The following SLCO6A1 variants were observed in gnomAD, a reference collection of about 807,000 sequenced individuals.
SLCO6A1 encodes solute carrier organic anion transporter family member 6A1, also known as cancer/testis antigen 48.
In SLCO6A1, 65 loss-of-function variants were observed where a neutral mutation model predicts 72.7. That is an observed-to-expected ratio of 0.89 (90% CI 0.73 to 1.10). The LOEUF is 1.10. SLCO6A1 is among the 50% of genes least tolerant of loss of function. The pLI, the probability that SLCO6A1 is intolerant of heterozygous loss-of-function variation, is 0.00. For synonymous variants in SLCO6A1, 314 were observed against 298.2 expected, an observed-to-expected ratio of 1.05 and a Z score of -0.55; for missense variants, 874 against 872.6, an observed-to-expected ratio of 1.00 and a Z score of -0.02.
intron 7 of SLCO6A1, among the ~76,000 whole-genome samples, chr5:102,430,646 A>G (rs760480097): frequency 3.2e-4 from 48 of 152,162 alleles, no homozygotes; most frequent in Non-Finnish European, 5.9e-4. Context: ...CAGGGATAAA[A>G]CCTACTTGAT....
At chr5:102,472,113 C>A (rs9327859) in intron 4 of SLCO6A1, among the ~76,000 whole-genome samples, 82,679 of 151,950 alleles carry the variant, frequency 0.54, 23,893 homozygotes, top group Non-Finnish European at 0.63. Context: ...CAGGGGAATA[C>A]ATTGAGGCTG....
intron 12 of SLCO6A1, among the ~76,000 whole-genome samples, chr5:102,386,881 T>G (rs1357207373): frequency 3.6e-4 from 55 of 152,088 alleles, no homozygotes; most frequent in Non-Finnish European, 8.1e-4. Flanking sequence ...TTGCTTAGAG[T>G]TCATTCCTTC....
chr5:102,449,487 T>C (rs1383552471), intron 6 of SLCO6A1, among the ~76,000 whole-genome samples: 1 of 151,802 alleles, frequency 6.6e-6, no homozygotes, highest in Non-Finnish European at 1.5e-5. Flanking sequence ...CCCAGGTTCA[T>C]GCCATTCTCC....
At chr5:102,449,195 A>G (rs776137688) in intron 6 of SLCO6A1, among the ~76,000 whole-genome samples, 1 of 152,016 alleles carries the variant, frequency 6.6e-6, no homozygotes, top group African/African-American at 2.4e-5. Context: ...TAGACCCCCA[A>G]TCTCTTCTGG....
In SLCO6A1 at chr5:102,498,987, G is replaced by C; in HGVS notation, c.-143C>G. 1 of 763,636 alleles carries C rather than the reference G, an allele frequency of 1.3e-6. No homozygotes were observed. Among genetic ancestry groups the C allele is most frequent in the Non-Finnish European group, 2.1e-6 (1 of 468,698 alleles). 47.3% of individuals were successfully genotyped at this position (763,636 alleles called of 1,614,324 possible). A position where few individuals can be genotyped will look rare whatever the true frequency, so the allele number is the denominator to read the frequency against. On this transcript the variant is annotated 5_prime_UTR_variant, in exon 1 of 14. Coordinates refer to ENST00000506729, the MANE Select transcript of SLCO6A1 (RefSeq NM_173488.5). ...GGCTCTTGCCGCCCAAGCCTCCAGA[G>C]CGAACGTTTCTCCTAGGGCAGGAGG... is the stretch of plus-strand genomic sequence containing the variant.
At chr5:102,382,613 T>C (rs866851833) in intron 12 of SLCO6A1, among the ~76,000 whole-genome samples, 3 of 151,612 alleles carry the variant, frequency 2.0e-5, no homozygotes, top group Admixed American at 2.0e-4. Context: ...TCCCAATCTA[T>C]GAACATAGGA....
chr5:102,392,308 T>G (rs1353479529), intron 10 of SLCO6A1, among the ~76,000 whole-genome samples: 2 of 151,944 alleles, frequency 1.3e-5, no homozygotes, highest in African/African-American at 4.8e-5. Context: ...ATTTACACTT[T>G]CATTATGAGC....
At chr5:102,404,427 G>A (rs563785624) in intron 9 of SLCO6A1, among the ~76,000 whole-genome samples, 36 of 152,172 alleles carry the variant, frequency 2.4e-4, no homozygotes, top group East Asian at 1.2e-3. Flanking sequence ...CCGGGGAGGC[G>A]GAGCTTGCAG....
At chr5:102,391,970 AAAT>A (rs1746786291) in intron 10 of SLCO6A1, among the ~76,000 whole-genome samples, 1 of 152,130 alleles carries the variant, frequency 6.6e-6, no homozygotes, top group African/African-American at 2.4e-5. Flanking sequence ...ATACAATTAA[AAAT>A]AATCCTTGAA....
intron 12 of SLCO6A1, among the ~76,000 whole-genome samples, chr5:102,385,785 T>C (rs1312813626): frequency 1.3e-5 from 2 of 151,900 alleles, no homozygotes; most frequent in Admixed American, 1.3e-4. Flanking sequence ...TTGAATTATG[T>C]GTCAGGCAGT....
intron 9 of SLCO6A1, among the ~76,000 whole-genome samples, chr5:102,409,457 T>A (rs1747852903): frequency 6.6e-6 from 1 of 151,786 alleles, no homozygotes; most frequent in Admixed American, 6.6e-5. Flanking sequence ...TTGTATAGTG[T>A]ATCTTATTTT....
intron 13 of SLCO6A1, 21 bp downstream of exon 13, chr5:102,373,316 T>G (rs1417054850): frequency 1.4e-6 from 2 of 1,439,478 alleles, no homozygotes; most frequent in African/African-American, 1.5e-5. Flanking sequence ...CATTGATAGA[T>G]TGACAATGTG....
chr5:102,480,847 A>C (rs925200804), intron 1 of SLCO6A1, among the ~76,000 whole-genome samples: 1 of 152,142 alleles, frequency 6.6e-6, no homozygotes, highest in African/African-American at 2.4e-5. Flanking sequence ...ATATTTCCCA[A>C]ACTCGTTTGT....
At chr5:102,418,085 A>G (rs887178949) in intron 8 of SLCO6A1, among the ~76,000 whole-genome samples, 13 of 151,980 alleles carry the variant, frequency 8.6e-5, no homozygotes, top group African/African-American at 2.4e-4. Flanking sequence ...ATTAAAGGTG[A>G]CTTTTTTTTA....
intron 4 of SLCO6A1, among the ~76,000 whole-genome samples, chr5:102,461,622 G>A (rs1034536030): frequency 3.3e-5 from 5 of 152,080 alleles, no homozygotes; most frequent in African/African-American, 1.2e-4. Context: ...ATGGATACAG[G>A]TAACTTTAGT....
intron 6 of SLCO6A1, among the ~76,000 whole-genome samples, chr5:102,450,153 T>C (rs1179995459): frequency 6.6e-6 from 1 of 152,204 alleles, no homozygotes; most frequent in Non-Finnish European, 1.5e-5. Flanking sequence ...TCCTGGTGAA[T>C]AAGCATTGCT....
At chr5:102,469,518 G>C (rs894583436) in intron 4 of SLCO6A1, among the ~76,000 whole-genome samples, 2 of 152,134 alleles carry the variant, frequency 1.3e-5, no homozygotes, top group African/African-American at 4.8e-5. Flanking sequence ...TGTATCCTGA[G>C]ACTTTGCTGA....
chr5:102,374,087 G>C lies in SLCO6A1; in HGVS notation c.2018-593C>G, dbSNP rs529147555. 2.0e-5 allele frequency among the ~76,000 whole-genome samples: 3 copies of C among 151,108 alleles called. No individual in the cohort carries two copies. In the East Asian group the frequency reaches 5.8e-4, roughly 29 times the overall value. On this transcript the variant is annotated intron_variant, in intron 12 of 13. Coordinates refer to ENST00000506729, the MANE Select transcript of SLCO6A1 (RefSeq NM_173488.5). The stretch of plus-strand genomic sequence containing the variant: ...GGGTCTCACTCTGTCACCCAGGCTG[G>C]AGTGCAGTGGCACGATCTTGGCTTA...
At position 102,423,053 on chromosome 5, in the gene SLCO6A1, T is replaced by C. The variant is rs140842030; in HGVS notation, c.1277-3032A>G. Among the ~76,000 whole-genome samples, 31 of 152,246 alleles carry C rather than the reference T, an allele frequency of 2.0e-4. 1 individual carries two copies. In the East Asian group the frequency reaches 4.8e-3, roughly 24 times the overall value. ...CTTCATAAGTGAAGGAGAAATAAAA[T>C]TCTTCACAGACAAGCAAATGTTGAA... On this transcript the variant is annotated intron_variant, in intron 7 of 13. Coordinates refer to ENST00000506729, the MANE Select transcript of SLCO6A1 (RefSeq NM_173488.5).
Sources: allele counts gnomAD v4.1 joint callset (sites outside exome capture counted in the v4.1 genomes callset), GRCh38; gene constraint gnomAD v4.1.1; transcripts MANE v1.5; gene names NCBI Gene and HGNC (gene_info 2026-07-23, HGNC 2026-07-21).